PCBP3: variants seen among roughly 807,000 people sequenced by gnomAD.
PCBP3 encodes poly(rC) binding protein 3.
A neutral mutation model predicts 52.7 loss-of-function variants in PCBP3; 25 were observed. That is an observed-to-expected ratio of 0.47 (90% CI 0.35 to 0.66). PCBP3 has a LOEUF of 0.66. Ranked by LOEUF, PCBP3 falls within the 30% of genes least tolerant of loss-of-function variation. The probability of loss-of-function intolerance (pLI) is 0.01; values close to 1 mark genes in which losing one functional copy is unlikely to be tolerated. For missense variants in PCBP3, 391 were observed against 490.3 expected (o/e 0.80, Z 1.91); for synonymous variants, 162 against 183.0 (o/e 0.89, Z 0.93).
chr21:45,662,510 G>T (rs1391269715), intron 1 of PCBP3, among the ~76,000 whole-genome samples: 3 of 151,810 alleles, frequency 2.0e-5, no homozygotes, highest in African/African-American at 7.3e-5. Flanking sequence ...CCACCCAGGT[G>T]CTGAGGCAAG....
intron 1 of PCBP3, among the ~76,000 whole-genome samples, chr21:45,650,088 A>C (rs962512479): frequency 4.6e-5 from 7 of 152,102 alleles, no homozygotes; most frequent in Admixed American, 1.3e-4. Flanking sequence ...CAACACTGAG[A>C]GGCTGAGGCT....
At position 45,880,447 on chromosome 21, in the gene PCBP3, G is replaced by A. The variant is rs2095374277; in HGVS notation, c.11-15761G>A. Among the ~76,000 whole-genome samples the A allele has an allele frequency of 6.6e-6, 1 of 152,224 alleles. No individual in the cohort carries two copies. The highest frequency in any genetic ancestry group is 2.4e-5 in the African/African-American group (1 of 41,448). ...CTGAATGAAAAACGCAGGAGTGGGT[G>A]GTGTGGGAGAAAATAGGATTACGGT... On this transcript the variant is annotated intron_variant, in intron 5 of 17. Transcript: ENST00000681687. This position sits in a 1 kb window ranked among gnomAD's most constrained non-coding sequence, Gnocchi z 5.4.
At position 45,791,704 on chromosome 21, in the gene PCBP3, CA is replaced by C. The variant is rs1189494848; in HGVS notation, c.-126+36253del. On this transcript the variant is annotated intron_variant, in intron 4 of 17. Transcript: ENST00000681687. The surrounding 1 kb of genome is among the most constrained non-coding windows in gnomAD (Gnocchi z 4.2). ...AAATTTTAAAATACAACTACCTCTT[CA>C]GCTTAGAGAATAGTACTACTTGGTT... Among the ~76,000 whole-genome samples, 2 of 152,246 alleles carry C rather than the reference CA, an allele frequency of 1.3e-5. No individual in the cohort carries two copies. The highest frequency in any genetic ancestry group is 4.8e-5 in the African/African-American group (2 of 41,468).
chr21:45,679,464 G>C (rs562693931), intron 2 of PCBP3, among the ~76,000 whole-genome samples: 1 of 152,176 alleles, frequency 6.6e-6, no homozygotes, highest in African/African-American at 2.4e-5. Flanking sequence ...ATTGTTTTTA[G>C]ACATAATGCT....
intron 2 of PCBP3, among the ~76,000 whole-genome samples, chr21:45,705,319 G>A (rs1474704938): frequency 6.6e-6 from 1 of 152,214 alleles, no homozygotes. Context: ...GGGCCTCAGT[G>A]AGCATCTTAG....
At chr21:45,875,688 C>T (rs2095236429) in intron 5 of PCBP3, among the ~76,000 whole-genome samples, 1 of 152,198 alleles carries the variant, frequency 6.6e-6, no homozygotes, top group Admixed American at 6.5e-5. Context: ...TCTCTGATGC[C>T]CTCCCAGTGA....
At chr21:45,930,760 A>T (rs2076075230) in intron 14 of PCBP3, 26 bp from the exon 15 acceptor site, 4 of 1,052,106 alleles carry the variant, frequency 3.8e-6, no homozygotes, top group African/African-American at 1.6e-5. Context: ...GCAAAACATT[A>T]AACCTGTCTC....
intron 3 of PCBP3, among the ~76,000 whole-genome samples, chr21:45,743,167 T>C (rs1044664422): frequency 6.6e-6 from 1 of 152,220 alleles, no homozygotes; most frequent in African/African-American, 2.4e-5. Context: ...TTGGTTATTG[T>C]AATTGGGATT....
rs1271983533 is a variant in PCBP3 at position 45,791,900 on chromosome 21, G to A, written c.-126+36448G>A. On this transcript the variant is annotated intron_variant, in intron 4 of 17. Transcript: ENST00000681687. This position sits in a 1 kb window ranked among gnomAD's most constrained non-coding sequence, Gnocchi z 4.2. ...AAGGATGCAGTTCATTTCCAGCCCT[G>A]AGCTGCACTCAGGAGCTGGGCCTCA... 1.3e-5 allele frequency among the ~76,000 whole-genome samples: 2 copies of A among 152,266 alleles called. No individual in the cohort carries two copies. The highest frequency in any genetic ancestry group is 2.9e-5 in the Non-Finnish European group (2 of 68,044).
chr21:45,805,832 G>A lies in PCBP3; in HGVS notation c.-125-44129G>A, dbSNP rs1402703774. On this transcript the variant is annotated intron_variant, in intron 4 of 17. Transcript: ENST00000681687. This position sits in a 1 kb window ranked among gnomAD's most constrained non-coding sequence, Gnocchi z 4.6. The stretch of plus-strand genomic sequence containing the variant: ...CTGTCTTTCTGTGGCAGCGAAGGTG[G>A]CATTCCCTCCTAGCACCTGCACACT... 2.0e-5 allele frequency among the ~76,000 whole-genome samples: 3 copies of A among 152,092 alleles called. No individual in the cohort carries two copies. The highest frequency in any genetic ancestry group is 4.4e-5 in the Non-Finnish European group (3 of 68,012).
chr21:45,779,132 G>A (rs1464723160), intron 4 of PCBP3, among the ~76,000 whole-genome samples: 2 of 152,198 alleles, frequency 1.3e-5, no homozygotes, highest in African/African-American at 2.4e-5. Flanking sequence ...TGGGCCCTAG[G>A]ACATCACGCA....
At chr21:45,673,272 G>T (rs1394786600) in intron 2 of PCBP3, among the ~76,000 whole-genome samples, 2 of 152,134 alleles carry the variant, frequency 1.3e-5, no homozygotes, top group Non-Finnish European at 2.9e-5. Context: ...CCACTGTTTG[G>T]AAATGAAGCT....
At chr21:45,701,010 T>A (rs1027480982) in intron 2 of PCBP3, among the ~76,000 whole-genome samples, 2 of 152,208 alleles carry the variant, frequency 1.3e-5, no homozygotes, top group African/African-American at 4.8e-5. Context: ...TAATAAATGT[T>A]GTTGGATAAC....
chr21:45,881,057 G>A (rs2095391895), intron 5 of PCBP3, among the ~76,000 whole-genome samples: 1 of 152,196 alleles, frequency 6.6e-6, no homozygotes, highest in East Asian at 1.9e-4. Flanking sequence ...CTGCTTTCCT[G>A]GCTGGCCTTC....
At chr21:45,746,295 T>C (rs528564853) in intron 3 of PCBP3, among the ~76,000 whole-genome samples, 15 of 1,934 alleles carry the variant, frequency 7.8e-3, no homozygotes, top group African/African-American at 0.073. Context: ...TGTCAGTCCA[T>C]TGACGTAGCG....
At chr21:45,743,766 C>CT (rs1397778931) in intron 3 of PCBP3, among the ~76,000 whole-genome samples, 5 of 151,780 alleles carry the variant, frequency 3.3e-5, no homozygotes, top group Non-Finnish European at 5.9e-5. Flanking sequence ...CTATAAGGTT[C>CT]TTTTTTTTCT....
At chr21:45,793,162 C>T (rs182937830) in intron 4 of PCBP3, among the ~76,000 whole-genome samples, 30 of 152,290 alleles carry the variant, frequency 2.0e-4, no homozygotes, top group African/African-American at 6.7e-4. Flanking sequence ...CGGACGGAGA[C>T]TCGGTCAGAC....
intron 2 of PCBP3, among the ~76,000 whole-genome samples, chr21:45,694,565 A>T (rs182891799): frequency 6.6e-5 from 10 of 152,368 alleles, no homozygotes; most frequent in Admixed American, 3.3e-4. Context: ...TCCTTAAAAT[A>T]CAAAAAGCAA....
At chr21:45,692,854 A>T (rs1431750390) in intron 2 of PCBP3, among the ~76,000 whole-genome samples, 1 of 152,210 alleles carries the variant, frequency 6.6e-6, no homozygotes, top group Non-Finnish European at 1.5e-5. Flanking sequence ...AATATTCCTC[A>T]TGTAACTAGG....
Sources: allele counts gnomAD v4.1 joint callset (sites outside exome capture counted in the v4.1 genomes callset), GRCh38; gene constraint gnomAD v4.1.1; non-coding constraint Gnocchi (gnomAD v3.1); transcripts MANE v1.5; gene names NCBI Gene and HGNC (gene_info 2026-07-23, HGNC 2026-07-21).